MRTFA: variants seen among roughly 807,000 people sequenced by gnomAD.
MRTFA encodes myocardin-related transcription factor A.
A neutral mutation model predicts 83.5 loss-of-function variants in MRTFA; 20 were observed. The ratio of observed to expected loss-of-function variants is 0.24; its 90% CI spans 0.17 to 0.35. The LOEUF is 0.35. Among genes scored for constraint, MRTFA ranks in the 10% least tolerant of loss-of-function variants. The probability of loss-of-function intolerance (pLI) is 1.00; values close to 1 mark genes in which losing one functional copy is unlikely to be tolerated. For synonymous variants in MRTFA, 659 were observed against 541.2 expected (o/e 1.22, Z -3.02); for missense variants, 1,200 against 1,224.7 (o/e 0.98, Z 0.30).
chr22:40,619,751 G>A (rs554516438), intron 1 of MRTFA, among the ~76,000 whole-genome samples: 31 of 151,760 alleles, frequency 2.0e-4, no homozygotes, highest in African/African-American at 5.8e-4. Context: ...TTAGCTGGGC[G>A]TGGTGGCAGG....
intron 3 of MRTFA, among the ~76,000 whole-genome samples, chr22:40,495,146 A>G (rs972293401): frequency 6.6e-6 from 1 of 151,432 alleles, no homozygotes; most frequent in Non-Finnish European, 1.5e-5. Context: ...GGCTGAGGTG[A>G]GAGGATTGCT....
intron 2 of MRTFA, among the ~76,000 whole-genome samples, chr22:40,568,924 T>C (rs2055744349): frequency 6.6e-6 from 1 of 152,150 alleles, no homozygotes. Flanking sequence ...GGGTAGCCTA[T>C]TTAAAATAGA....
At chr22:40,490,054 C>T (rs868603238) in intron 3 of MRTFA, among the ~76,000 whole-genome samples, 2 of 150,508 alleles carry the variant, frequency 1.3e-5, no homozygotes, top group Non-Finnish European at 2.9e-5. Context: ...CTACTTATCA[C>T]AAGCCTGAAT....
intron 3 of MRTFA, among the ~76,000 whole-genome samples, chr22:40,545,836 C>G (rs113844234): frequency 2.0e-5 from 3 of 151,900 alleles, no homozygotes. Flanking sequence ...CCAGTTCAAG[C>G]GATTCTCCTG....
intron 2 of MRTFA, among the ~76,000 whole-genome samples, chr22:40,577,259 T>TA (rs886868965): frequency 2.9e-4 from 38 of 129,724 alleles, no homozygotes; most frequent in Admixed American, 7.6e-4. Context: ...AAAAAAAAAT[T>TA]AAAAAAAAAA....
At chr22:40,597,893 G>A (rs2056212547) in intron 1 of MRTFA, among the ~76,000 whole-genome samples, 1 of 152,190 alleles carries the variant, frequency 6.6e-6, no homozygotes, top group Non-Finnish European at 1.5e-5. Flanking sequence ...ATGTTCTAAT[G>A]TGCTAGTTTG....
At chr22:40,633,685 C>A (rs1193832438) in intron 1 of MRTFA, among the ~76,000 whole-genome samples, 1 of 151,696 alleles carries the variant, frequency 6.6e-6, no homozygotes, top group African/African-American at 2.4e-5. Flanking sequence ...ATAAAGATAG[C>A]CTTTATTTAT....
chr22:40,411,626 G>C lies in MRTFA; in HGVS notation c.2860C>G (p.Leu954Val). ...TCCATGGGTGACGGGGGGTGGTCCA[G>C]GATGGCAGTGCTGCTCAGCATCTGG... The change falls in exon 15 of 15, where the codon CTG (leucine) becomes GTG (valine). Residue 954 changes from leucine to valine, a missense_variant. This residue lies in a region of MRTFA where 1,107 missense variants were observed against 1,041.8 expected (regional missense o/e 1.06). Transcript: ENST00000355630. 6.2e-7 allele frequency: 1 copy of C among 1,613,640 alleles called. No individual in the cohort carries two copies. Among genetic ancestry groups the C allele is most frequent in the Middle Eastern group, 1.6e-4 (1 of 6,062 alleles).
rs750793257 is a variant in MRTFA at position 40,411,850 on chromosome 22, GGGGATGGCTTCTCCTTCCCTGGCA to G, written c.2612_2635del (p.Leu871_Ser878del). On this transcript the variant is annotated inframe_deletion, in exon 15 of 15. Transcript: ENST00000355630. ...CAGGGGGGACCCACAGACTGTCTTC[GGGGATGGCTTCTCCTTCCCTGGCA>G]GGGATGGCGGCTCCTTGAAATCTGC... 5.3e-6 allele frequency: 8 copies of G among 1,497,486 alleles called. No homozygotes were observed. Among genetic ancestry groups the G allele is most frequent in the Admixed American group, 2.3e-5 (1 of 42,626 alleles). The allele number at this position is 1,497,486 out of a possible 1,614,324, so 92.8% of individuals were successfully genotyped here.
chr22:40,545,328 A>G (rs1030533673), intron 3 of MRTFA, among the ~76,000 whole-genome samples: 14 of 152,220 alleles, frequency 9.2e-5, no homozygotes, highest in African/African-American at 3.4e-4. Context: ...GGTTAGCCAA[A>G]GGCACCTCCT....
intron 3 of MRTFA, among the ~76,000 whole-genome samples, chr22:40,493,277 C>T (rs1174850460): frequency 2.6e-5 from 4 of 152,192 alleles, no homozygotes; most frequent in Non-Finnish European, 5.9e-5. Context: ...GATGTGCCAC[C>T]ATATTCTTCT....
intron 3 of MRTFA, among the ~76,000 whole-genome samples, chr22:40,494,596 A>G (rs2054320252): frequency 6.6e-6 from 1 of 151,542 alleles, no homozygotes; most frequent in Non-Finnish European, 1.5e-5. Context: ...TAGGAGCATC[A>G]CTCGAGCCCA....
At chr22:40,529,117 A>T (rs868032379) in intron 3 of MRTFA, among the ~76,000 whole-genome samples, 1 of 152,178 alleles carries the variant, frequency 6.6e-6, no homozygotes, top group East Asian at 1.9e-4. Flanking sequence ...GGAAAAACTT[A>T]TATGTCCACA....
chr22:40,556,369 C>T (rs773300245), intron 2 of MRTFA, among the ~76,000 whole-genome samples: 2 of 152,142 alleles, frequency 1.3e-5, no homozygotes, highest in African/African-American at 4.8e-5. Flanking sequence ...CCAAACCTGA[C>T]TGTAGTTCTG....
At chr22:40,568,204 C>G (rs1223497124) in intron 2 of MRTFA, among the ~76,000 whole-genome samples, 1 of 152,186 alleles carries the variant, frequency 6.6e-6, no homozygotes, top group African/African-American at 2.4e-5. Context: ...TGAAAACACT[C>G]AGGCCATCAA....
chr22:40,562,920 C>G (rs796386214), intron 2 of MRTFA, among the ~76,000 whole-genome samples: 33 of 152,196 alleles, frequency 2.2e-4, no homozygotes, highest in African/African-American at 7.9e-4. Context: ...TTGGTAACAG[C>G]CAATGGTGAC....
intron 3 of MRTFA, among the ~76,000 whole-genome samples, chr22:40,551,103 G>A (rs952263106): frequency 2.6e-5 from 4 of 151,942 alleles, no homozygotes; most frequent in East Asian, 3.9e-4. Context: ...GCCCGCCTCG[G>A]CCTCCCAAAG....
intron 4 of MRTFA, among the ~76,000 whole-genome samples, chr22:40,459,830 C>CATATACATAT (rs1555973835): frequency 3.5e-5 from 3 of 86,944 alleles, no homozygotes; most frequent in Non-Finnish European, 6.3e-5. Context: ...CACATATATA[C>CATATACATAT]ATATATATAT....
intron 2 of MRTFA, among the ~76,000 whole-genome samples, chr22:40,577,058 AC>A (rs964649899): frequency 2.0e-5 from 3 of 152,054 alleles, no homozygotes; most frequent in African/African-American, 7.2e-5. Context: ...CCTCATCTCC[AC>A]AAAAAATTTA....
Sources: allele counts gnomAD v4.1 joint callset (sites outside exome capture counted in the v4.1 genomes callset), GRCh38; gene constraint gnomAD v4.1.1; regional missense constraint gnomAD v4.1.1; transcripts MANE v1.5; gene names NCBI Gene and HGNC (gene_info 2026-07-23, HGNC 2026-07-21).